The following CHL1 variants were observed in gnomAD, a reference collection of about 807,000 sequenced individuals.
The protein encoded by CHL1 is neural cell adhesion molecule L1-like protein.
Under a neutral mutation model 141.9 loss-of-function variants are expected in CHL1, and 96 were observed. The observed-to-expected ratio is 0.68, with a 90% confidence interval of 0.57 to 0.80. The LOEUF (loss-of-function observed/expected upper bound fraction) is 0.80, where lower values mean the gene tolerates loss of function less well. Among genes scored for constraint, CHL1 ranks in the 30% least tolerant of loss-of-function variants. The pLI, the probability that CHL1 is intolerant of heterozygous loss-of-function variation, is 0.00. For missense variants in CHL1, 1,820 were observed against 1,457.2 expected, an observed-to-expected ratio of 1.25 and a Z score of -4.05; for synonymous variants, 613 against 502.2, an observed-to-expected ratio of 1.22 and a Z score of -2.95.
intron 22 of CHL1, 88 bp from the exon 23 acceptor site, chr3:391,587 G>A (rs1417921262): frequency 2.3e-6 from 2 of 860,966 alleles, no homozygotes; most frequent in Non-Finnish European, 3.6e-6. Context: ...GAGTTTGCTT[G>A]TCAATTTCTA....
In CHL1 at chr3:361,816, C is replaced by T. The variant is rs1219101720; in HGVS notation, c.1418+6C>T. 5.7e-6 allele frequency: 9 copies of T among 1,576,088 alleles called. No homozygotes were observed. Among genetic ancestry groups the T allele is most frequent in the Non-Finnish European group, 7.9e-6 (9 of 1,145,876 alleles). On this transcript the variant is annotated splice_donor_region_variant and intron_variant, in intron 13 of 27. Coordinates refer to ENST00000256509, the MANE Select transcript of CHL1 (RefSeq NM_006614.4). ...CCTGAGGCAGTCGTGTCCTGGTAAG[C>T]CGGTGGCTCATGGTTTTCTTAAGAG...
intron 9 of CHL1, among the ~76,000 whole-genome samples, chr3:348,013 A>G (rs1702912072): frequency 6.6e-6 from 1 of 152,240 alleles, no homozygotes; most frequent in Admixed American, 6.5e-5. Flanking sequence ...CAAACTATCA[A>G]TACAAATAAT....
Position 341,998 on chromosome 3 carries a change from C to A in CHL1, c.595C>A (p.Arg199Ser). The change falls in exon 7 of 28, where the codon CGC (arginine) becomes AGC (serine). Residue 199 changes from arginine (R) to serine (S), a missense_variant. Physicochemically the swap from Arg to Ser is moderately radical, Grantham distance 110. Transcript: ENST00000256509. ...YFANVEEKDS[R>S]NDYCCFAAFP... ...CGCAAACGTGGAAGAAAAGGACAGT[C>A]GCAATGACTACTGTTGCTTTGCTGC... is the stretch of plus-strand genomic sequence containing the variant. 6.2e-7 allele frequency: 1 copy of A among 1,613,180 alleles called. No individual in the cohort carries two copies. The highest frequency in any genetic ancestry group is 1.1e-5 in the South Asian group (1 of 90,982).
At chr3:271,316 G>T (rs1695615013) in intron 2 of CHL1, among the ~76,000 whole-genome samples, 1 of 152,186 alleles carries the variant, frequency 6.6e-6, no homozygotes, top group African/African-American at 2.4e-5. Context: ...GCTCATGCCT[G>T]TAGTTCCAGG....
At chr3:359,720 A>G (rs149486325) in intron 11 of CHL1, among the ~76,000 whole-genome samples, 47 of 152,326 alleles carry the variant, frequency 3.1e-4, no homozygotes, top group African/African-American at 1.1e-3. Context: ...AGAAGAGTTT[A>G]GTCTTCCTGG....
rs576103811 is a variant in CHL1 at position 370,377 on chromosome 3, T to C, written c.1751+4262T>C. Among the ~76,000 whole-genome samples the C allele has an allele frequency of 4.6e-5, 7 of 152,354 alleles. No individual in the cohort carries two copies. The South Asian group carries it at 1.0e-3, about 23-fold the overall frequency. On this transcript the variant is annotated intron_variant, in intron 15 of 27. Transcript: ENST00000256509. ...CATTTCTTCTAGATTTTCTAGTTTA[T>C]TTGCATAGAGGTGTTTATAGTATTC...
Position 401,529 on chromosome 3 carries a change from T to C in CHL1, c.3386-97T>C, listed in dbSNP as rs75981836. On this transcript the variant is annotated intron_variant, in intron 26 of 27. Coordinates refer to ENST00000256509, the MANE Select transcript of CHL1 (RefSeq NM_006614.4). ...CACTGGTATCAAAACATTTGAGCAA[T>C]GCTGTTCTTACTGACTATTAACTAT... is the stretch of plus-strand genomic sequence containing the variant. 8.1e-4 allele frequency: 569 copies of C among 700,146 alleles called. 3 individuals carry two copies. The highest frequency in any genetic ancestry group is 7.5e-3 in the African/African-American group (403 of 53,930). The allele number at this position is 700,146 out of a possible 1,614,324, so 43.4% of individuals were successfully genotyped here. A position where few individuals can be genotyped will look rare whatever the true frequency, so the allele number is the denominator to read the frequency against.
intron 2 of CHL1, among the ~76,000 whole-genome samples, chr3:295,083 C>T (rs331894): frequency 0.56 from 85,578 of 151,898 alleles, 26,929 homozygotes; most frequent in African/African-American, 0.85. Context: ...CTTTCTTTGC[C>T]TCCTTCTTTT....
At chr3:374,691 C>T (rs1489801591) in intron 15 of CHL1, among the ~76,000 whole-genome samples, 1 of 152,168 alleles carries the variant, frequency 6.6e-6, no homozygotes, top group Non-Finnish European at 1.5e-5. Context: ...TCAGAAGAGG[C>T]CCCAGGAGCA....
intron 2 of CHL1, among the ~76,000 whole-genome samples, chr3:263,508 C>A (rs1001030511): frequency 6.6e-6 from 1 of 152,142 alleles, no homozygotes; most frequent in Non-Finnish European, 1.5e-5. Flanking sequence ...TCATTTGTTA[C>A]TGGAAACTTA....
chr3:274,712 G>A (rs138118835), intron 2 of CHL1, among the ~76,000 whole-genome samples: 1 of 152,306 alleles, frequency 6.6e-6, no homozygotes, highest in East Asian at 1.9e-4. Context: ...GAGCATCTAA[G>A]TCATCTACAG....
chr3:356,746 T>C (rs1408749640), intron 11 of CHL1, among the ~76,000 whole-genome samples: 1 of 151,636 alleles, frequency 6.6e-6, no homozygotes, highest in Non-Finnish European at 1.5e-5. Flanking sequence ...AAGAGGTGAG[T>C]GTGACTGAAG....
chr3:325,644 A>C (rs910751986), intron 3 of CHL1, among the ~76,000 whole-genome samples: 1 of 152,042 alleles, frequency 6.6e-6, no homozygotes, highest in Non-Finnish European at 1.5e-5. Context: ...ACATAGATTG[A>C]ATGCCAATAA....
chr3:349,881 G>T (rs1278926665), intron 10 of CHL1, among the ~76,000 whole-genome samples: 1 of 152,174 alleles, frequency 6.6e-6, no homozygotes, highest in Non-Finnish European at 1.5e-5. Context: ...CATAAAAGCA[G>T]CAGTAAGGAT....
At chr3:347,591 T>G (rs940424513) in intron 9 of CHL1, among the ~76,000 whole-genome samples, 24 of 152,206 alleles carry the variant, frequency 1.6e-4, no homozygotes, top group Admixed American at 7.2e-4. Flanking sequence ...CCGGGAGATC[T>G]TGCTGAAAGT....
intron 1 of CHL1, among the ~76,000 whole-genome samples, chr3:242,757 C>T (rs887728319): frequency 6.6e-6 from 1 of 151,924 alleles, no homozygotes; most frequent in Non-Finnish European, 1.5e-5. Flanking sequence ...AATGTGAATG[C>T]CTTCTGAACC....
At chr3:290,660 G>T (rs914858338) in intron 2 of CHL1, among the ~76,000 whole-genome samples, 8 of 152,156 alleles carry the variant, frequency 5.3e-5, no homozygotes, top group African/African-American at 1.7e-4. Flanking sequence ...TAGGCATTCA[G>T]TTAATGCTTG....
At chr3:400,322 G>A (rs1709020585) in intron 26 of CHL1, among the ~76,000 whole-genome samples, 1 of 152,122 alleles carries the variant, frequency 6.6e-6, no homozygotes, top group African/African-American at 2.4e-5. Flanking sequence ...AAGACTGAAT[G>A]ATTATGAATT....
intron 2 of CHL1, chr3:308,841 G>A (rs1699488192): frequency 6.1e-6 from 1 of 163,632 alleles, no homozygotes; most frequent in African/African-American, 2.4e-5. Context: ...CGCCCTGCTG[G>A]AACTGCTCCT....
Sources: gnomAD v4.1 joint callset for allele counts (sites outside exome capture counted in the v4.1 genomes callset) on GRCh38, gnomAD v4.1.1 for gene constraint, MANE v1.5 for transcripts, NCBI Gene and HGNC (gene_info 2026-07-23, HGNC 2026-07-21) for gene names.